Variants in RPS6KA2 observed in about 807,000 individuals in gnomAD.
RPS6KA2 encodes the protein ribosomal protein S6 kinase alpha-2.
Under a neutral mutation model 91.8 loss-of-function variants are expected in RPS6KA2, and 42 were observed. The observed-to-expected ratio is 0.46, with a 90% confidence interval of 0.36 to 0.59. The LOEUF is 0.59. Ranked by LOEUF, RPS6KA2 falls within the 20% of genes least tolerant of loss-of-function variation. RPS6KA2 has a pLI of 0.00. For synonymous variants in RPS6KA2, 414 were observed against 393.6 expected (o/e 1.05, Z -0.61); for missense variants, 798 against 978.5 (o/e 0.82, Z 2.46).
chr6:166,543,407 G>C (rs6918886), intron 1 of RPS6KA2, among the ~76,000 whole-genome samples: 1 of 151,946 alleles, frequency 6.6e-6, no homozygotes, highest in Non-Finnish European at 1.5e-5. Context: ...ACTTGGCTTC[G>C]TCTAGAATCT....
At chr6:166,756,291 A>G (rs1212686092) in intron 2 of RPS6KA2, among the ~76,000 whole-genome samples, 1 of 152,198 alleles carries the variant, frequency 6.6e-6, no homozygotes, top group Non-Finnish European at 1.5e-5. Context: ...CTCCGTCTCA[A>G]AAAAAAACCA....
chr6:166,582,678 G>GT (rs1368162704), intron 1 of RPS6KA2, among the ~76,000 whole-genome samples: 1 of 152,208 alleles, frequency 6.6e-6, no homozygotes, highest in African/African-American at 2.4e-5. Context: ...AAAATGGGCA[G>GT]TAATAAAATT....
chr6:166,772,817 G>A (rs1043147812), intron 2 of RPS6KA2, among the ~76,000 whole-genome samples: 2 of 152,140 alleles, frequency 1.3e-5, no homozygotes, highest in African/African-American at 4.8e-5. Flanking sequence ...TTTTCATATT[G>A]TCTTGTTTAG....
At chr6:166,478,948 C>T (rs571077718) in intron 10 of RPS6KA2, among the ~76,000 whole-genome samples, 1 of 152,362 alleles carries the variant, frequency 6.6e-6, no homozygotes, top group African/African-American at 2.4e-5. Flanking sequence ...CTCAGGCCCA[C>T]ACGGCCAGGA....
Position 166,495,735 on chromosome 6 carries a change from C to T in RPS6KA2, c.747+2773G>A, listed in dbSNP as rs540955637. ...AGGAGACACTCACAGAGACAGACAACGACAATAAAAGATGGCAGACGTTAG... is the reference window on the plus strand; with the variant it reads ...AGGAGACACTCACAGAGACAGACAATGACAATAAAAGATGGCAGACGTTAG... On this transcript the variant is annotated intron_variant, in intron 8 of 20. Coordinates refer to ENST00000265678, the MANE Select transcript of RPS6KA2 (RefSeq NM_021135.6). This position sits in a 1 kb window ranked among gnomAD's most constrained non-coding sequence, Gnocchi z 4.4. Among the ~76,000 whole-genome samples, 17 of 152,278 alleles carry T rather than the reference C, an allele frequency of 1.1e-4. No homozygotes were observed. Among genetic ancestry groups the T allele is most frequent in the Admixed American group, 6.5e-4 (10 of 15,302 alleles).
chr6:166,663,177 G>T (rs565611346), intron 2 of RPS6KA2, among the ~76,000 whole-genome samples: 1 of 152,298 alleles, frequency 6.6e-6, no homozygotes, highest in East Asian at 1.9e-4. Context: ...TCTCATCAAA[G>T]ATCAGAATTG....
Position 166,493,079 on chromosome 6 carries a change from T to G in RPS6KA2, c.748-2338A>C, listed in dbSNP as rs1391647114. Among the ~76,000 whole-genome samples the G allele has an allele frequency of 6.6e-6, 1 of 152,038 alleles. No homozygotes were observed. Among genetic ancestry groups the G allele is most frequent in the East Asian group, 1.9e-4 (1 of 5,178 alleles). On this transcript the variant is annotated intron_variant, in intron 8 of 20. Transcript: ENST00000265678. This position sits in a 1 kb window ranked among gnomAD's most constrained non-coding sequence, Gnocchi z 4.7. ...GAAGATGATTCCCTTGTGATCAGGG[T>G]CCACTGCTTTGTGGTTCTCTCTCTT...
At chr6:166,425,890 C>T (rs1778898679) in intron 16 of RPS6KA2, among the ~76,000 whole-genome samples, 2 of 152,150 alleles carry the variant, frequency 1.3e-5, no homozygotes, top group African/African-American at 4.8e-5. Context: ...TTAGACAGAT[C>T]AACGAGACAG....
At chr6:166,734,592 TA>T (rs145823513) in intron 2 of RPS6KA2, among the ~76,000 whole-genome samples, 4,244 of 152,172 alleles carry the variant, frequency 0.028, 98 homozygotes, top group East Asian at 0.091. Context: ...CATTGTTCAT[TA>T]GGGGTGTTAA....
At chr6:166,861,624 T>C (rs1211795294) in intron 1 of RPS6KA2, among the ~76,000 whole-genome samples, 2 of 152,258 alleles carry the variant, frequency 1.3e-5, no homozygotes, top group Non-Finnish European at 2.9e-5. Context: ...CCTTTTAAGG[T>C]TGCATTATCT....
At chr6:166,708,983 T>A (rs1434978749) in intron 2 of RPS6KA2, among the ~76,000 whole-genome samples, 1 of 152,174 alleles carries the variant, frequency 6.6e-6, no homozygotes, top group African/African-American at 2.4e-5. Flanking sequence ...GACACACCGC[T>A]CCGTGTTGAT....
At chr6:166,578,250 T>A (rs1784901137) in intron 1 of RPS6KA2, among the ~76,000 whole-genome samples, 1 of 152,226 alleles carries the variant, frequency 6.6e-6, no homozygotes, top group African/African-American at 2.4e-5. Context: ...CCACGTGCCG[T>A]AGACTCCTCC....
At chr6:166,785,096 C>A (rs951862357) in intron 2 of RPS6KA2, among the ~76,000 whole-genome samples, 5 of 152,242 alleles carry the variant, frequency 3.3e-5, no homozygotes, top group African/African-American at 1.2e-4. Flanking sequence ...GTCTACCTAT[C>A]TGTCTGCATC....
At chr6:166,668,350 C>T (rs1788377995) in intron 2 of RPS6KA2, among the ~76,000 whole-genome samples, 1 of 152,196 alleles carries the variant, frequency 6.6e-6, no homozygotes, top group South Asian at 2.1e-4. Context: ...GAGCCCGTCG[C>T]TTTCAGCCAG....
rs993215369 is a variant in RPS6KA2, at chr6:166,571,075, T to C, written c.100-32291A>G. Among the ~76,000 whole-genome samples the C allele has an allele frequency of 2.0e-5, 3 of 152,238 alleles. No homozygotes were observed. The South Asian group carries it at 6.2e-4, about 31-fold the overall frequency. On this transcript the variant is annotated intron_variant, in intron 1 of 20. Transcript: ENST00000265678. ...GCTAAACCATGCTGTGAATCTGCACTGTCACAACAGTGCGGTGAGGACGCA... is the reference window on the plus strand; with the variant it reads ...GCTAAACCATGCTGTGAATCTGCACCGTCACAACAGTGCGGTGAGGACGCA...
At chr6:166,429,745 C>T (rs900884395) in intron 16 of RPS6KA2, among the ~76,000 whole-genome samples, 1 of 152,182 alleles carries the variant, frequency 6.6e-6, no homozygotes, top group Non-Finnish European at 1.5e-5. Context: ...GCCACTGCAT[C>T]CAGCAAAATT....
At chr6:166,619,997 G>A (rs1318471601) in intron 1 of RPS6KA2, among the ~76,000 whole-genome samples, 1 of 152,150 alleles carries the variant, frequency 6.6e-6, no homozygotes, top group Non-Finnish European at 1.5e-5. Flanking sequence ...ATGAGTAAAA[G>A]CTGCAAGCCC....
Position 166,849,494 on chromosome 6 carries a change from A to G in RPS6KA2, c.123+8706T>C, listed in dbSNP as rs1780683135. Among the ~76,000 whole-genome samples, 1 of 152,186 alleles carries G rather than the reference A, an allele frequency of 6.6e-6. No individual in the cohort carries two copies. The highest frequency in any genetic ancestry group is 6.5e-5 in the Admixed American group (1 of 15,284). On this transcript the variant is annotated intron_variant, in intron 2 of 21. Coordinates refer to the RPS6KA2 transcript ENST00000503859. This position sits in a 1 kb window ranked among gnomAD's most constrained non-coding sequence, Gnocchi z 4.9. ...CCAGACTTTGCCCGAAGAATAAAAG[A>G]AGAAGGGAGGGTGAGGTGGGGGCGG...
chr6:166,502,602 C>T (rs377325742), intron 6 of RPS6KA2, among the ~76,000 whole-genome samples: 15 of 152,312 alleles, frequency 9.8e-5, no homozygotes, highest in East Asian at 5.8e-4. Context: ...GGAGTGGCAA[C>T]GTCCACACAG....
Sources: gnomAD v4.1 joint callset for allele counts (sites outside exome capture counted in the v4.1 genomes callset) on GRCh38, gnomAD v4.1.1 for gene constraint, Gnocchi (gnomAD v3.1) non-coding constraint, MANE v1.5 for transcripts, NCBI Gene and HGNC (gene_info 2026-07-23, HGNC 2026-07-21) for gene names.